Variants in PCDHGB5 observed in about 807,000 individuals in gnomAD.
PCDHGB5 encodes protocadherin gamma-B5.
In PCDHGB5, 48 loss-of-function variants were observed where a neutral mutation model predicts 62.9. The observed-to-expected ratio is 0.76, with a 90% CI of 0.61 to 0.97. PCDHGB5 has a LOEUF of 0.97. Among genes scored for constraint, PCDHGB5 ranks in the 50% least tolerant of loss-of-function variants. The pLI is 0.00. For missense variants in PCDHGB5, 1,118 were observed against 1,198.6 expected (o/e 0.93, Z 0.99); for synonymous variants, 474 against 511.2 (o/e 0.93, Z 0.98).
intron 1 of PCDHGB5, chr5:141,416,286 T>C (rs1415036175): frequency 2.0e-5 from 3 of 152,304 alleles, no homozygotes; most frequent in Non-Finnish European, 4.4e-5. Context: ...AATTCTCTAA[T>C]TTCACACTGC....
At chr5:141,419,306 C>T in intron 1 of PCDHGB5, 1 of 1,614,032 alleles carries the variant, frequency 6.2e-7, no homozygotes, top group Non-Finnish European at 8.5e-7. Context: ...AGACTTCGGG[C>T]TCAACGGCCG....
intron 1 of PCDHGB5, among the ~76,000 whole-genome samples, chr5:141,435,383 G>A (rs1057246190): frequency 6.6e-6 from 1 of 152,016 alleles, no homozygotes; most frequent in South Asian, 2.1e-4. Flanking sequence ...ACAATATACC[G>A]TATTGCCATG....
At position 141,431,698 on chromosome 5, in the gene PCDHGB5, AT is replaced by A. The variant is rs2097408637; in HGVS notation, c.2397+31176del. ...GGGAGTTGGACCACGAGGAGTCAGG[AT>A]TCTACCAGATGGAAGTGCAAGCAAT... On this transcript the variant is annotated intron_variant, in intron 1 of 3. Coordinates refer to ENST00000617380, the MANE Select transcript of PCDHGB5 (RefSeq NM_018925.3). The surrounding 1 kb of genome is among the most constrained non-coding windows in gnomAD (Gnocchi z 4.8). 4.3e-6 allele frequency: 7 copies of A among 1,614,104 alleles called. 1 individual carries two copies. The South Asian group carries it at 7.7e-5, about 18-fold the overall frequency.
intron 1 of PCDHGB5, among the ~76,000 whole-genome samples, chr5:141,455,574 C>T (rs1214642742): frequency 6.6e-6 from 1 of 152,158 alleles, no homozygotes; most frequent in Non-Finnish European, 1.5e-5. Flanking sequence ...CCTCCCACCC[C>T]AGCCTTTTAA....
intron 1 of PCDHGB5, chr5:141,414,536 C>T (rs2095757034): frequency 6.2e-7 from 1 of 1,613,976 alleles, no homozygotes; most frequent in African/African-American, 1.3e-5. Context: ...GACAACCCAC[C>T]TACCTTCTCT....
At chr5:141,407,385 T>A (rs1306044111) in intron 1 of PCDHGB5, among the ~76,000 whole-genome samples, 1 of 152,228 alleles carries the variant, frequency 6.6e-6, no homozygotes, top group South Asian at 2.1e-4. Flanking sequence ...GGCTTGTATG[T>A]CATGGTAGGT....
At chr5:141,470,416 A>AT (rs1300623208) in intron 1 of PCDHGB5, among the ~76,000 whole-genome samples, 3 of 152,134 alleles carry the variant, frequency 2.0e-5, no homozygotes, top group African/African-American at 7.2e-5. Flanking sequence ...GATTTTATGT[A>AT]TTTTTTCCTT....
intron 1 of PCDHGB5, among the ~76,000 whole-genome samples, chr5:141,481,103 C>G (rs190529217): frequency 2.6e-4 from 39 of 152,252 alleles, no homozygotes; most frequent in Non-Finnish European, 3.4e-4. Context: ...TACTCTGGAA[C>G]CTACCAATCC....
chr5:141,463,438 CTTTTTTTTTTTTTTT>C (rs71576115), intron 1 of PCDHGB5, among the ~76,000 whole-genome samples: 7 of 103,256 alleles, frequency 6.8e-5, no homozygotes, highest in African/African-American at 3.1e-4. Flanking sequence ...TTTCCTTCTC[CTTTTTTTTTTTTTTT>C]TTTTTTTTTT....
intron 1 of PCDHGB5, among the ~76,000 whole-genome samples, chr5:141,481,065 A>AAAAG (rs1476331686): frequency 6.6e-6 from 1 of 152,164 alleles, no homozygotes; most frequent in African/African-American, 2.4e-5. Context: ...CTCAAAAACA[A>AAAAG]AAAGAAAGAA....
At chr5:141,403,172 C>T in intron 1 of PCDHGB5, 1 of 1,614,018 alleles carries the variant, frequency 6.2e-7, no homozygotes, top group Non-Finnish European at 8.5e-7. Context: ...TAGGACGCAG[C>T]TTTTCTCTCT....
At chr5:141,436,910 TGTGA>T (rs1332506247) in intron 1 of PCDHGB5, among the ~76,000 whole-genome samples, 1 of 152,228 alleles carries the variant, frequency 6.6e-6, no homozygotes, top group Non-Finnish European at 1.5e-5. Flanking sequence ...GAGACAATTT[TGTGA>T]GTGTTACTTT....
chr5:141,404,250 C>A lies in PCDHGB5; in HGVS notation c.2397+3726C>A, dbSNP rs1282621596. 2.5e-6 allele frequency: 4 copies of A among 1,613,886 alleles called. No homozygotes were observed. In the Admixed American group the frequency reaches 5.0e-5, roughly 20 times the overall value. On this transcript the variant is annotated intron_variant, in intron 1 of 3. Coordinates refer to ENST00000617380, the MANE Select transcript of PCDHGB5 (RefSeq NM_018925.3). Reference sequence around the variant, plus strand: ...ACAGACAGAGGAACTCCGCCCCTGTCCACAGAAATTCACATCACCCTGCAA... The same window carrying A: ...ACAGACAGAGGAACTCCGCCCCTGTACACAGAAATTCACATCACCCTGCAA...
rs771759945 is a variant in PCDHGB5, at chr5:141,405,371, G to A, written c.2397+4847G>A. 49 of 1,598,874 alleles carry A rather than the reference G, an allele frequency of 3.1e-5. No individual in the cohort carries two copies. The highest frequency in any genetic ancestry group is 3.7e-5 in the Non-Finnish European group (43 of 1,176,096). ...GTTTCCTATAGAAGACACCCCTTTG[G>A]TTCCGGTGAGTTCATTTTTTTTCTT... On this transcript the variant is annotated intron_variant, in intron 1 of 3. Transcript: ENST00000617380.
At chr5:141,427,986 G>C in intron 1 of PCDHGB5, 1 of 1,598,018 alleles carries the variant, frequency 6.3e-7, no homozygotes, top group East Asian at 2.2e-5. Context: ...GCTGGGGCCC[G>C]ATGGCTCCGC....
chr5:141,477,752 G>C lies in PCDHGB5; in HGVS notation c.2398-17055G>C. On this transcript the variant is annotated intron_variant, in intron 1 of 3. Coordinates refer to ENST00000617380, the MANE Select transcript of PCDHGB5 (RefSeq NM_018925.3). This position sits in a 1 kb window ranked among gnomAD's most constrained non-coding sequence, Gnocchi z 4.9. ...TCATATCAGCGATGGGGGCACCCCG[G>C]TCCTAGCCACCAACATCAGCGTGAA... The C allele has an allele frequency of 6.2e-7, 1 of 1,613,868 alleles. No homozygotes were observed.
intron 1 of PCDHGB5, among the ~76,000 whole-genome samples, chr5:141,444,315 G>A (rs2098431855): frequency 6.6e-6 from 1 of 151,946 alleles, no homozygotes; most frequent in South Asian, 2.1e-4. Flanking sequence ...AGGATTACAG[G>A]CATGTGCCAC....
At position 141,402,613 on chromosome 5, in the gene PCDHGB5, A is replaced by G. The variant is rs145557523; in HGVS notation, c.2397+2089A>G. Among the ~76,000 whole-genome samples the G allele has an allele frequency of 3.8e-3, 581 of 152,376 alleles. 6 individuals are homozygous for G. Among genetic ancestry groups the G allele is most frequent in the Admixed American group, 0.011 (170 of 15,298 alleles). The stretch of plus-strand genomic sequence containing the variant: ...AGATTGCTTTTGAAATACAAATGCA[A>G]GAAACAATTGGAGAAATCTAAAATC... On this transcript the variant is annotated intron_variant, in intron 1 of 3. Coordinates refer to ENST00000617380, the MANE Select transcript of PCDHGB5 (RefSeq NM_018925.3).
intron 1 of PCDHGB5, among the ~76,000 whole-genome samples, chr5:141,402,671 G>A (rs1016182752): frequency 2.0e-5 from 3 of 152,140 alleles, no homozygotes; most frequent in Admixed American, 2.0e-4. Flanking sequence ...TTCTTTATCA[G>A]CCATCTGATA....
Sources: gnomAD v4.1 joint callset for allele counts (sites outside exome capture counted in the v4.1 genomes callset) on GRCh38, gnomAD v4.1.1 for gene constraint, Gnocchi (gnomAD v3.1) non-coding constraint, MANE v1.5 for transcripts, NCBI Gene and HGNC (gene_info 2026-07-23, HGNC 2026-07-21) for gene names.